MAG: variants seen among roughly 807,000 people sequenced by gnomAD.
MAG encodes myelin associated glycoprotein.
MAG carries 30 observed loss-of-function variants against 60.7 expected under a neutral mutation model. The observed-to-expected ratio is 0.49, with a 90% CI of 0.37 to 0.67. MAG has a LOEUF of 0.67. MAG is among the 30% of genes least tolerant of loss of function. The pLI, the probability that MAG is intolerant of heterozygous loss-of-function variation, is 0.00. For synonymous variants in MAG, 384 were observed against 376.8 expected (o/e 1.02, Z -0.22); for missense variants, 795 against 851.7 (o/e 0.93, Z 0.83).
rs200167693 is a variant in MAG at position 35,297,477 on chromosome 19, C to T, written c.415+1496C>T. Reference sequence around the variant, plus strand: ...CACACCACACACTGCACATGCCACACACACACTACCCACACACCACACCAA... The same window carrying T: ...CACACCACACACTGCACATGCCACATACACACTACCCACACACCACACCAA... On this transcript the variant is annotated intron_variant, in intron 4 of 10. Coordinates refer to ENST00000392213, the MANE Select transcript of MAG (RefSeq NM_002361.4). 1.8e-3 allele frequency among the ~76,000 whole-genome samples: 267 copies of T among 149,958 alleles called. 5 individuals carry two copies. In the East Asian group the frequency reaches 0.049, roughly 28 times the overall value.
intron 7 of MAG, among the ~76,000 whole-genome samples, chr19:35,308,581 A>C (rs894798098): frequency 1.3e-5 from 2 of 152,198 alleles, no homozygotes; most frequent in Non-Finnish European, 2.9e-5. Context: ...AAACAAACAA[A>C]AACCCTCCAG....
chr19:35,300,236 C>T lies in MAG; in HGVS notation c.802C>T (p.Pro268Ser). The T allele has an allele frequency of 6.3e-7, 1 of 1,587,340 alleles. No homozygotes were observed. The highest frequency in any genetic ancestry group is 8.6e-7 in the Non-Finnish European group (1 of 1,168,576). Residue 268 changes from proline (P) to serine (S), a missense_variant, in exon 6 of 11, where the codon CCG becomes TCG. Pro to Ser is a moderately conservative substitution (Grantham distance 74). Coordinates refer to ENST00000392213, the MANE Select transcript of MAG (RefSeq NM_002361.4). ...GCTCTGTGGGGCTGACAGCAACCCC[C>T]CGCCGCTGCTGACCTGGATGCGGGA... Reference protein sequence around the residue: ...SLLCGADSNPPPLLTWMRDGT... With the variant: ...SLLCGADSNPSPLLTWMRDGT...
rs10557696 is a variant in MAG, at chr19:35,293,275, C to CTGTGTGTG, written c.-79-943_-79-936dup. Among the ~76,000 whole-genome samples the CTGTGTGTG allele has an allele frequency of 1.3e-5, 2 of 149,124 alleles. No homozygotes were observed. Among genetic ancestry groups the CTGTGTGTG allele is most frequent in the South Asian group, 4.3e-4 (2 of 4,650 alleles). ...TTGTTAGCCTGGCATGCATGCTGGG[C>CTGTGTGTG]TGTGTGTGTGTGTGTGTGTGTGTGC... On this transcript the variant is annotated intron_variant, in intron 1 of 10. Coordinates refer to ENST00000392213, the MANE Select transcript of MAG (RefSeq NM_002361.4). This position sits in a 1 kb window ranked among gnomAD's most constrained non-coding sequence, Gnocchi z 4.0.
rs2145615450 is a variant in MAG at position 35,302,561 on chromosome 19, G to C, written c.1084G>C (p.Glu362Gln). The C allele has an allele frequency of 6.2e-7, 1 of 1,614,220 alleles. No homozygotes were observed. Among genetic ancestry groups the C allele is most frequent in the East Asian group, 2.2e-5 (1 of 44,884 alleles). ...GGACCCTATTCTCACCATCTTCAAG[G>C]AGAAGCAGATCCTGTCCACGGTCAT... ...NPDPILTIFKEKQILSTVIYE... is the reference protein window; with the variant it reads ...NPDPILTIFKQKQILSTVIYE... The change falls in exon 7 of 11, where the codon GAG becomes CAG. Residue 362 changes from glutamate to glutamine, a missense_variant. Physicochemically the swap from Glu to Gln is conservative, Grantham distance 29 (BLOSUM62 2). Transcript: ENST00000392213.
rs2066369853 is a variant in MAG, at chr19:35,293,168, G to A, written c.-80+964G>A. Among the ~76,000 whole-genome samples the A allele has an allele frequency of 1.3e-5, 2 of 152,228 alleles. No homozygotes were observed. Among genetic ancestry groups the A allele is most frequent in the East Asian group, 1.9e-4 (1 of 5,176 alleles). On this transcript the variant is annotated intron_variant, in intron 1 of 10. Transcript: ENST00000392213. This position sits in a 1 kb window ranked among gnomAD's most constrained non-coding sequence, Gnocchi z 4.0. Reference sequence around the variant, plus strand: ...TTCCTGTCACAGGTGCAAGGGCAGCGTCGGCCAGGTGTCCATCGGCGCGTG... The same window carrying A: ...TTCCTGTCACAGGTGCAAGGGCAGCATCGGCCAGGTGTCCATCGGCGCGTG...
intron 1 of MAG, among the ~76,000 whole-genome samples, chr19:35,292,644 G>GGTGT (rs74172714): frequency 0.13 from 18,911 of 150,004 alleles, 1,272 homozygotes; most frequent in Middle Eastern, 0.24. Context: ...GCACATAGCA[G>GGTGT]GTGTGTGTGT....
chr19:35,297,884 C>G (rs2066413526), intron 4 of MAG, among the ~76,000 whole-genome samples: 1 of 150,628 alleles, frequency 6.6e-6, no homozygotes, highest in Non-Finnish European at 1.5e-5. Flanking sequence ...ACACCAAACA[C>G]ACACCACACA....
chr19:35,309,694 T>C (rs1205986719), intron 7 of MAG, 180 bp from the exon 8 acceptor site: 4 of 672,480 alleles, frequency 5.9e-6, no homozygotes, highest in Non-Finnish European at 1.0e-5. Flanking sequence ...GGCGGGGTCG[T>C]AGTGAGGTCA....
intron 6 of MAG, among the ~76,000 whole-genome samples, chr19:35,301,068 A>T (rs998241101): frequency 6.6e-6 from 1 of 152,078 alleles, no homozygotes; most frequent in African/African-American, 2.4e-5. Flanking sequence ...CAGAGAATCG[A>T]TATGTTCCCT....
In MAG at chr19:35,293,658, C is replaced by G. The variant is rs896436866; in HGVS notation, c.-79-577C>G. 3.9e-5 allele frequency among the ~76,000 whole-genome samples: 6 copies of G among 152,082 alleles called. No individual in the cohort carries two copies. The highest frequency in any genetic ancestry group is 1.5e-5 in the Non-Finnish European group (1 of 67,986). Reference sequence around the variant, plus strand: ...AGGGTGCCAGGGGCTCGCTAGCCCCCACCCTGGGCCTTCCTGGCCCTGCTC... The same window carrying G: ...AGGGTGCCAGGGGCTCGCTAGCCCCGACCCTGGGCCTTCCTGGCCCTGCTC... On this transcript the variant is annotated intron_variant, in intron 1 of 10. Transcript: ENST00000392213. The surrounding 1 kb of genome is among the most constrained non-coding windows in gnomAD (Gnocchi z 4.0).
chr19:35,293,520 G>A lies in MAG; in HGVS notation c.-79-715G>A, dbSNP rs571581499. Among the ~76,000 whole-genome samples, 6 of 152,194 alleles carry A rather than the reference G, an allele frequency of 3.9e-5. No homozygotes were observed. In the South Asian group the frequency reaches 1.2e-3, roughly 32 times the overall value. On this transcript the variant is annotated intron_variant, in intron 1 of 10. Coordinates refer to ENST00000392213, the MANE Select transcript of MAG (RefSeq NM_002361.4). This position sits in a 1 kb window ranked among gnomAD's most constrained non-coding sequence, Gnocchi z 4.0. The stretch of plus-strand genomic sequence containing the variant: ...TACATCTGTCACATTTCATCCCCGC[G>A]ATTGGATGTGTCTGTGCATGTGTCT...
rs1362507806 is a variant in MAG at position 35,295,116 on chromosome 19, A to G, written c.-23-270A>G. Among the ~76,000 whole-genome samples, 2 of 152,110 alleles carry G rather than the reference A, an allele frequency of 1.3e-5. No individual in the cohort carries two copies. The highest frequency in any genetic ancestry group is 2.9e-5 in the Non-Finnish European group (2 of 68,010). On this transcript the variant is annotated intron_variant, in intron 2 of 10. Transcript: ENST00000392213. The surrounding 1 kb of genome is among the most constrained non-coding windows in gnomAD (Gnocchi z 5.8). ...ATTTCCACAAAAAAGAAGAAAAATT[A>G]ACTGGGTGTGGGGTGGCGCATACCA...
chr19:35,303,761 T>C (rs2066465163), intron 7 of MAG, among the ~76,000 whole-genome samples: 1 of 152,044 alleles, frequency 6.6e-6, no homozygotes, highest in African/African-American at 2.4e-5. Context: ...CCAGCGCCTC[T>C]CATCTCCTCA....
intron 8 of MAG, 102 bp from the exon 9 acceptor site, chr19:35,310,445 G>A (rs1470809891): frequency 9.5e-7 from 1 of 1,058,120 alleles, no homozygotes; most frequent in Non-Finnish European, 1.4e-6. Context: ...TGCCCCGGCT[G>A]TGTGACTACA....
rs1266639084 is a variant in MAG at position 35,300,302 on chromosome 19, C to T, written c.868C>T (p.Leu290=). ...GGAGGCGGTGGCCGAGAGCCTGCTCCTGGAGCTGGAGGAGGTGACCCCCGC... is the reference window on the plus strand; with the variant it reads ...GGAGGCGGTGGCCGAGAGCCTGCTCTTGGAGCTGGAGGAGGTGACCCCCGC... ...LREAVAESLL[L]ELEEVTPAED... The change falls in exon 6 of 11, where the codon CTG becomes TTG. Residue 290 remains leucine (L), a synonymous_variant. Transcript: ENST00000392213. 4 of 1,599,532 alleles carry T rather than the reference C, an allele frequency of 2.5e-6. No individual in the cohort carries two copies. In the East Asian group the frequency reaches 6.7e-5, roughly 27 times the overall value.
rs775274302 is a variant in MAG, at chr19:35,300,198, C to G, written c.764C>G (p.Ser255Cys). 1.0e-5 allele frequency: 16 copies of G among 1,570,958 alleles called. No homozygotes were observed. The highest frequency in any genetic ancestry group is 1.4e-5 in the Non-Finnish European group (16 of 1,154,402). The change falls in exon 6 of 11, where the codon TCC becomes TGC. Residue 255 changes from serine (S) to cysteine (C), a missense_variant. Physicochemically the swap from Ser to Cys is moderately radical, Grantham distance 112. Coordinates refer to ENST00000392213, the MANE Select transcript of MAG (RefSeq NM_002361.4). ...TCCTCGGTGGAGGCCATCGAGGGCT[C>G]CCACGTGAGCCTGCTCTGTGGGGCT... is the stretch of plus-strand genomic sequence containing the variant. ...MNSSVEAIEG[S>C]HVSLLCGADS... is the part of the protein sequence containing the mutation.
intron 7 of MAG, among the ~76,000 whole-genome samples, chr19:35,304,216 G>T (rs1373095586): frequency 6.6e-6 from 1 of 152,126 alleles, no homozygotes; most frequent in Non-Finnish European, 1.5e-5. Context: ...CCCTAGCGGG[G>T]CTGATGTGAT....
chr19:35,295,885 G>A lies in MAG; in HGVS notation c.319G>A (p.Val107Ile), dbSNP rs186777043. The change falls in exon 4 of 11, where the codon GTC becomes ATC. Residue 107 changes from valine to isoleucine, a missense_variant. By Grantham distance (29) the Val-to-Ile change is conservative. Coordinates refer to ENST00000392213, the MANE Select transcript of MAG (RefSeq NM_002361.4). The surrounding 1 kb of genome is among the most constrained non-coding windows in gnomAD (Gnocchi z 5.8). The stretch of plus-strand genomic sequence containing the variant: ...AAACTGCACCCTCCTGCTCAGCAAC[G>A]TCAGCCCCGAGCTGGGCGGGAAGTA... ...LRNCTLLLSN[V>I]SPELGGKYYF... The A allele has an allele frequency of 1.6e-5, 26 of 1,614,092 alleles. No individual in the cohort carries two copies. The East Asian group carries it at 2.2e-4, about 14-fold the overall frequency.
chr19:35,300,196 C>G lies in MAG; in HGVS notation c.762C>G (p.Gly254=). 1 of 1,570,558 alleles carries G rather than the reference C, an allele frequency of 6.4e-7. No homozygotes were observed. The highest frequency in any genetic ancestry group is 8.7e-7 in the Non-Finnish European group (1 of 1,154,120). Residue 254 remains glycine, a synonymous_variant, in exon 6 of 11, where the codon GGC becomes GGG. Coordinates refer to ENST00000392213, the MANE Select transcript of MAG (RefSeq NM_002361.4). ...EMNSSVEAIE[G]SHVSLLCGAD... is the part of the protein sequence containing the mutation. ...ACTCCTCGGTGGAGGCCATCGAGGG[C>G]TCCCACGTGAGCCTGCTCTGTGGGG...
Sources: allele counts gnomAD v4.1 joint callset (sites outside exome capture counted in the v4.1 genomes callset), GRCh38; gene constraint gnomAD v4.1.1; non-coding constraint Gnocchi (gnomAD v3.1); transcripts MANE v1.5; gene names NCBI Gene and HGNC (gene_info 2026-07-23, HGNC 2026-07-21).